The following PPT1 variants were observed in gnomAD, a reference collection of about 807,000 sequenced individuals.
PPT1 encodes palmitoyl-protein thioesterase 1, also known as ceroid-palmitoyl-palmitoyl-protein thioesterase 1.
In PPT1, 24 loss-of-function variants were observed where a neutral mutation model predicts 44.0. The observed-to-expected ratio is 0.54, with a 90% CI of 0.39 to 0.77. PPT1 has a LOEUF of 0.77. Among genes scored for constraint, PPT1 ranks in the 30% least tolerant of loss-of-function variants. The pLI, the probability that PPT1 is intolerant of heterozygous loss-of-function variation, is 0.00. For synonymous variants in PPT1, 148 were observed against 140.2 expected, an observed-to-expected ratio of 1.06 and a Z score of -0.39; for missense variants, 341 against 378.8, an observed-to-expected ratio of 0.90 and a Z score of 0.83.
chr1:40,075,451 A>C (rs986255694), intron 8 of PPT1, among the ~76,000 whole-genome samples: 1 of 150,730 alleles, frequency 6.6e-6, no homozygotes, highest in African/African-American at 2.4e-5. Context: ...CACAGTAAGG[A>C]AGTTCTTAGC....
At chr1:40,072,269 A>C (rs12408549), downstream of PPT1, 4 of 218,060 alleles carry the variant, frequency 1.8e-5, no homozygotes, top group Admixed American at 2.8e-4. Flanking sequence ...AAAAAAAAAA[A>C]AACCCACATG....
At chr1:40,076,130 G>A (rs1043885635) in intron 8 of PPT1, among the ~76,000 whole-genome samples, 4 of 151,974 alleles carry the variant, frequency 2.6e-5, no homozygotes, top group African/African-American at 4.8e-5. Context: ...TTGTCAGTGC[G>A]TAATTTAGAA....
chr1:40,092,442 C>G lies in PPT1; in HGVS notation c.190G>C (p.Gly64Arg), dbSNP rs762320173. 20 of 1,613,800 alleles carry G rather than the reference C, an allele frequency of 1.2e-5. No individual in the cohort carries two copies. The highest frequency in any genetic ancestry group is 5.3e-5 in the African/African-American group (4 of 74,908). Residue 64 changes from glycine (G) to arginine (R), a missense_variant, in exon 2 of 9, where the codon GGA (glycine) becomes CGA (arginine). By Grantham distance (125) the Gly-to-Arg change is moderately radical. Transcript: ENST00000642050. ...ATCTCTAAAGATAAGACGTAAATTCCAGGTATTTTCTTCTCCACCATTTTT... is the reference window on the plus strand; with the variant it reads ...ATCTCTAAAGATAAGACGTAAATTCGAGGTATTTTCTTCTCCACCATTTTT... ...IKKMVEKKIP[G>R]IYVLSLEIGK...
intron 6 of PPT1, 73 bp downstream of exon 6, chr1:40,080,324 C>T: frequency 3.4e-6 from 5 of 1,461,476 alleles, no homozygotes; most frequent in Non-Finnish European, 4.8e-6. Context: ...TAAACAGTCA[C>T]TGCTGATTTG....
chr1:40,079,024 C>T (rs1286697814), intron 6 of PPT1, among the ~76,000 whole-genome samples: 1 of 152,104 alleles, frequency 6.6e-6, no homozygotes, highest in Non-Finnish European at 1.5e-5. Flanking sequence ...TCTCCAGTGT[C>T]TATTGTTCCC....
intron 5 of PPT1, among the ~76,000 whole-genome samples, chr1:40,088,610 T>C (rs1225750320): frequency 2.6e-5 from 4 of 152,284 alleles, no homozygotes; most frequent in Admixed American, 2.0e-4. Context: ...GGTCTCACTA[T>C]GTTGTTCAGA....
At chr1:40,091,251 A>G in intron 4 of PPT1, 78 bp downstream of exon 4, 2 of 1,425,784 alleles carry the variant, frequency 1.4e-6, no homozygotes, top group Non-Finnish European at 2.0e-6. Context: ...GTGCAAATAT[A>G]GTTCCTAGAT....
At chr1:40,074,430 GCTT>G (rs1435736239) in intron 8 of PPT1, among the ~76,000 whole-genome samples, 1 of 126,360 alleles carries the variant, frequency 7.9e-6, no homozygotes, top group Admixed American at 8.4e-5. Flanking sequence ...TGTCCCCCCC[GCTT>G]CTTCTTCTTC....
At chr1:40,088,335 C>T (rs191051470) in intron 5 of PPT1, among the ~76,000 whole-genome samples, 211 of 152,074 alleles carry the variant, frequency 1.4e-3, no homozygotes, top group African/African-American at 4.8e-3. Flanking sequence ...TTAATAGAGA[C>T]GGGATTTCAC....
chr1:40,087,444 T>C (rs369595562), intron 5 of PPT1, among the ~76,000 whole-genome samples: 12 of 152,052 alleles, frequency 7.9e-5, no homozygotes, highest in East Asian at 5.9e-4. Context: ...GGTTTTGCCA[T>C]GTTGGCCAGG....
chr1:40,075,830 G>A (rs1411002254), intron 8 of PPT1, among the ~76,000 whole-genome samples: 4 of 151,438 alleles, frequency 2.6e-5, no homozygotes, highest in Admixed American at 2.6e-4. Context: ...GCATGGTGGC[G>A]TGTGCCTGTA....
At chr1:40,084,789 A>G (rs1649165760) in intron 5 of PPT1, among the ~76,000 whole-genome samples, 1 of 152,246 alleles carries the variant, frequency 6.6e-6, no homozygotes, top group Non-Finnish European at 1.5e-5. Context: ...AAGCCAGGCC[A>G]TACAGAGATA....
chr1:40,086,073 C>T (rs6694800), intron 5 of PPT1, among the ~76,000 whole-genome samples: 8,350 of 152,186 alleles, frequency 0.055, 260 homozygotes, highest in East Asian at 0.11. Context: ...AAACTGGGAG[C>T]GGGGCCCAGA....
Position 40,092,184 on chromosome 1 carries a change from G to T in PPT1, c.235-12C>A, listed in dbSNP as rs1283301652. Reference sequence around the variant, plus strand: ...CTGTTCTCCACGTCCTAAAAAAGAAGCCAGAGAGAAGTGAGAGGATGGGAC... The same window carrying T: ...CTGTTCTCCACGTCCTAAAAAAGAATCCAGAGAGAAGTGAGAGGATGGGAC... On this transcript the variant is annotated splice_polypyrimidine_tract_variant and intron_variant, in intron 2 of 8. Transcript: ENST00000642050. The T allele has an allele frequency of 6.2e-7, 1 of 1,614,026 alleles. No homozygotes were observed. The highest frequency in any genetic ancestry group is 1.7e-5 in the Admixed American group (1 of 60,002).
In PPT1 at chr1:40,074,997, A is replaced by C. The variant is rs545218225; in HGVS notation, c.799-814T>G. On this transcript the variant is annotated intron_variant, in intron 8 of 8. Coordinates refer to ENST00000642050, the MANE Select transcript of PPT1 (RefSeq NM_000310.4). Reference sequence around the variant, plus strand: ...AGGACAGGCGCGGTGGCTCACGCCTATAATCCCAGCACTTTGGATGGCCAA... The same window carrying C: ...AGGACAGGCGCGGTGGCTCACGCCTCTAATCCCAGCACTTTGGATGGCCAA... The C allele has an allele frequency of 7.2e-5, 11 of 152,266 alleles. No individual in the cohort carries two copies. In the East Asian group the frequency reaches 2.0e-3, roughly 27 times the overall value. The allele number at this position is 152,266 out of a possible 1,614,324, so 9.4% of individuals were successfully genotyped here. A position where few individuals can be genotyped will look rare whatever the true frequency, so the allele number is the denominator to read the frequency against.
chr1:40,086,746 G>A (rs1557711013), intron 5 of PPT1, among the ~76,000 whole-genome samples: 1 of 150,966 alleles, frequency 6.6e-6, no homozygotes, highest in Non-Finnish European at 1.5e-5. Context: ...CATCATGTGG[G>A]TGGCAGGGGA....
intron 7 of PPT1, among the ~76,000 whole-genome samples, chr1:40,077,873 A>C (rs1419520617): frequency 6.6e-6 from 1 of 152,208 alleles, no homozygotes; most frequent in African/African-American, 2.4e-5. Flanking sequence ...CGTGCAGACA[A>C]GGCAGATTAG....
At chr1:40,091,513 T>TGGG in intron 3 of PPT1, 114 bp from the exon 4 acceptor site, 1 of 965,210 alleles carries the variant, frequency 1.0e-6, no homozygotes, top group Non-Finnish European at 1.6e-6. Context: ...CCGCAGAGTT[T>TGGG]CAGGATTTTC....
At chr1:40,092,831 C>T (rs1417389576) in intron 1 of PPT1, among the ~76,000 whole-genome samples, 1 of 152,084 alleles carries the variant, frequency 6.6e-6, no homozygotes, top group East Asian at 1.9e-4. Context: ...TACCATTTCA[C>T]ACAGACTAGG....
Sources: allele counts gnomAD v4.1 joint callset (sites outside exome capture counted in the v4.1 genomes callset), GRCh38; gene constraint gnomAD v4.1.1; transcripts MANE v1.5; gene names NCBI Gene and HGNC (gene_info 2026-07-23, HGNC 2026-07-21).